GLS: variants seen among roughly 807,000 people sequenced by gnomAD.
GLS encodes the protein glutaminase kidney isoform, mitochondrial.
A neutral mutation model predicts 86.7 loss-of-function variants in GLS; 36 were observed. The observed-to-expected ratio is 0.42, with a 90% CI of 0.32 to 0.55. The LOEUF is 0.55. GLS is among the 20% of genes least tolerant of loss of function. The pLI, the probability that GLS is intolerant of heterozygous loss-of-function variation, is 0.17. For missense variants in GLS, 528 were observed against 833.4 expected, an observed-to-expected ratio of 0.63 and a Z score of 4.51; for synonymous variants, 317 against 305.9, an observed-to-expected ratio of 1.04 and a Z score of -0.38.
chr2:190,962,990 T>A lies in GLS; in HGVS notation c.*4T>A. ...GAATCTTGATGGATTGTTGTAATGG[T>A]CTCAAATCCCAAGATTTAAATCACT... On this transcript the variant is annotated 3_prime_UTR_variant, in exon 18 of 18. Transcript: ENST00000320717. This position sits in a 1 kb window ranked among gnomAD's most constrained non-coding sequence, Gnocchi z 4.2. The A allele has an allele frequency of 6.3e-7, 1 of 1,577,392 alleles. No individual in the cohort carries two copies. Among genetic ancestry groups the A allele is most frequent in the Non-Finnish European group, 8.6e-7 (1 of 1,165,214 alleles).
chr2:190,936,807 T>G (rs1013781287), intron 14 of GLS, among the ~76,000 whole-genome samples: 3 of 151,308 alleles, frequency 2.0e-5, no homozygotes, highest in Non-Finnish European at 4.5e-5. Context: ...ACAGTTTTAT[T>G]TAGTTACTGT....
At chr2:190,887,152 G>C (rs1390983029) in intron 1 of GLS, among the ~76,000 whole-genome samples, 1 of 152,190 alleles carries the variant, frequency 6.6e-6, no homozygotes, top group Non-Finnish European at 1.5e-5. Flanking sequence ...AGAAAGGTGA[G>C]TAAACAGATG....
chr2:190,881,573 A>G (rs1688185336), intron 1 of GLS, 103 bp downstream of exon 1: 9 of 1,128,752 alleles, frequency 8.0e-6, no homozygotes, highest in Non-Finnish European at 1.1e-5. Context: ...GAGGGTCTAG[A>G]AAAGAGAAAG....
chr2:190,912,346 C>CTTTTTTTT (rs34419675), intron 7 of GLS, among the ~76,000 whole-genome samples: 1 of 122,518 alleles, frequency 8.2e-6, no homozygotes, highest in Non-Finnish European at 1.7e-5. Flanking sequence ...TTCACAAGTG[C>CTTTTTTTT]TTTTTTTTTT....
At chr2:190,917,668 A>C (rs563927741) in intron 7 of GLS, among the ~76,000 whole-genome samples, 56 of 152,200 alleles carry the variant, frequency 3.7e-4, no homozygotes, top group Non-Finnish European at 7.3e-4. Context: ...TCCTTGATCC[A>C]TGGGCTGCAG....
Position 190,881,354 on chromosome 2 carries a change from G to T in GLS, c.270G>T (p.Pro90=). Residue 90 remains proline, a synonymous_variant, in exon 1 of 18, where the codon CCG becomes CCT. Transcript: ENST00000320717. The stretch of plus-strand genomic sequence containing the variant: ...AGCTGGGCAAGGGGAGCACGCATCC[G>T]CAGCCCGGGGTGTCGCCACCCGCTG... The part of the protein sequence containing the change: ...LQELGKGSTH[P]QPGVSPPAAP... The T allele has an allele frequency of 6.5e-7, 1 of 1,536,958 alleles. No individual in the cohort carries two copies. Among genetic ancestry groups the T allele is most frequent in the Non-Finnish European group, 8.8e-7 (1 of 1,141,624 alleles).
At chr2:190,916,155 A>G (rs951833969) in intron 7 of GLS, among the ~76,000 whole-genome samples, 2 of 152,204 alleles carry the variant, frequency 1.3e-5, no homozygotes, top group African/African-American at 4.8e-5. Context: ...TACTGTTTCA[A>G]ATGGGAAAGA....
intron 14 of GLS, chr2:190,933,738 TG>T (rs1690182403): frequency 1.2e-6 from 1 of 810,404 alleles, no homozygotes; most frequent in African/African-American, 1.9e-5. Context: ...TGGCAAATTT[TG>T]GTTTTTAGCT....
chr2:190,881,781 C>G (rs943192993), intron 1 of GLS: 1 of 271,196 alleles, frequency 3.7e-6, no homozygotes, highest in Non-Finnish European at 7.0e-6. Context: ...CTCCCCTGCC[C>G]GCGCTGCGTG....
intron 1 of GLS, among the ~76,000 whole-genome samples, chr2:190,890,279 G>GCTCAAGCAGTCCTCTTGC (rs1688517951): frequency 6.6e-6 from 1 of 151,982 alleles, no homozygotes; most frequent in African/African-American, 2.4e-5. Context: ...GAACTCCTGG[G>GCTCAAGCAGTCCTCTTGC]CTCAAGCAGT....
Position 190,880,825 on chromosome 2 carries a change from C to T in GLS, c.-260C>T. 6.8e-6 allele frequency: 5 copies of T among 736,856 alleles called. No homozygotes were observed. Among genetic ancestry groups the T allele is most frequent in the South Asian group, 1.5e-5 (1 of 66,452 alleles). The allele number at this position is 736,856 out of a possible 1,614,324, so 45.6% of individuals were successfully genotyped here. The stretch of plus-strand genomic sequence containing the variant: ...CCTCCCCTGCGCTTTAGCCTCAGTG[C>T]GGAGCCTTAGGCGGAGCGAAGAGAA... On this transcript the variant is annotated 5_prime_UTR_variant, in exon 1 of 18. Coordinates refer to ENST00000320717, the MANE Select transcript of GLS (RefSeq NM_014905.5).
chr2:190,900,548 T>G lies in GLS; in HGVS notation c.606-16T>G. On this transcript the variant is annotated splice_polypyrimidine_tract_variant and intron_variant, in intron 3 of 17. Transcript: ENST00000320717. The stretch of plus-strand genomic sequence containing the variant: ...AAATGTACCCAGTTTATTAATTATC[T>G]TTTTACATTCTACAGATGTGTTCAG... 2 of 1,508,260 alleles carry G rather than the reference T, an allele frequency of 1.3e-6. No homozygotes were observed. The highest frequency in any genetic ancestry group is 1.4e-5 in the African/African-American group (1 of 72,456). 93.4% of individuals were successfully genotyped at this position (1,508,260 alleles called of 1,614,324 possible).
At chr2:190,916,448 C>A (rs1689539257) in intron 7 of GLS, among the ~76,000 whole-genome samples, 1 of 152,014 alleles carries the variant, frequency 6.6e-6, no homozygotes, top group Non-Finnish European at 1.5e-5. Context: ...TAGGCATGTG[C>A]TTTTCCTAAG....
intron 7 of GLS, among the ~76,000 whole-genome samples, chr2:190,916,820 T>C (rs894614260): frequency 5.3e-5 from 8 of 152,140 alleles, no homozygotes; most frequent in Non-Finnish European, 1.0e-4. Context: ...GTGTTTATAC[T>C]ATAGTAAGTG....
rs1688159798 is a variant in GLS at position 190,881,306 on chromosome 2, C to G, written c.222C>G (p.Ser74Arg). 4.7e-6 allele frequency: 7 copies of G among 1,496,300 alleles called. No homozygotes were observed. The highest frequency in any genetic ancestry group is 2.9e-5 in the East Asian group (1 of 34,956). The allele number at this position is 1,496,300 out of a possible 1,614,324, so 92.7% of individuals were successfully genotyped here. A position where few individuals can be genotyped will look rare whatever the true frequency, so the allele number is the denominator to read the frequency against. The change falls in exon 1 of 18, where the codon AGC becomes AGG. Residue 74 changes from serine to arginine, a missense_variant. Ser to Arg is a moderately radical substitution (Grantham distance 110, BLOSUM62 -1). Transcript: ENST00000320717. ...PAEPLARGLS[S>R]SPSEILQELG... is the part of the protein sequence containing the mutation. ...AGCCCCTCGCGCGGGGCCTGTCCAG[C>G]TCTCCTTCGGAGATCTTGCAGGAGC...
At chr2:190,944,864 T>A (rs1690540533) in intron 14 of GLS, among the ~76,000 whole-genome samples, 1 of 152,244 alleles carries the variant, frequency 6.6e-6, no homozygotes, top group Non-Finnish European at 1.5e-5. Context: ...ATTATCAAAT[T>A]GAATTATTTC....
In GLS at chr2:190,935,910, C is replaced by T. The variant is rs981740710; in HGVS notation, c.1650+4273C>T. Reference sequence around the variant, plus strand: ...AATTATAGTACAAATTATAGAGGCTCCATGTATTGTAGGTCAAATATAGTA... The same window carrying T: ...AATTATAGTACAAATTATAGAGGCTTCATGTATTGTAGGTCAAATATAGTA... On this transcript the variant is annotated intron_variant, in intron 14 of 17. Coordinates refer to ENST00000320717, the MANE Select transcript of GLS (RefSeq NM_014905.5). This position sits in a 1 kb window ranked among gnomAD's most constrained non-coding sequence, Gnocchi z 4.2. 1.3e-5 allele frequency among the ~76,000 whole-genome samples: 2 copies of T among 150,970 alleles called. No homozygotes were observed. Among genetic ancestry groups the T allele is most frequent in the Non-Finnish European group, 3.0e-5 (2 of 67,162 alleles).
At chr2:190,933,724 T>C in intron 14 of GLS, 1 of 857,370 alleles carries the variant, frequency 1.2e-6, no homozygotes, top group South Asian at 5.3e-5. Flanking sequence ...TATTTAAATA[T>C]GAATGGCAAA....
chr2:190,913,333 C>T lies in GLS; in HGVS notation c.1038+3012C>T, dbSNP rs1689421614. 8.4e-7 allele frequency: 1 copy of T among 1,195,116 alleles called. No individual in the cohort carries two copies. The allele number at this position is 1,195,116 out of a possible 1,614,324, so 74.0% of individuals were successfully genotyped here. A position where few individuals can be genotyped will look rare whatever the true frequency, so the allele number is the denominator to read the frequency against. Reference sequence around the variant, plus strand: ...AACTACTAAGCTTATAGGAAAACTCCAATATTTAAAATTTTAAACAAAGCT... The same window carrying T: ...AACTACTAAGCTTATAGGAAAACTCTAATATTTAAAATTTTAAACAAAGCT... On this transcript the variant is annotated intron_variant, in intron 7 of 17. Transcript: ENST00000320717. This position sits in a 1 kb window ranked among gnomAD's most constrained non-coding sequence, Gnocchi z 6.1.
Sources: gnomAD v4.1 joint callset for allele counts (sites outside exome capture counted in the v4.1 genomes callset) on GRCh38, gnomAD v4.1.1 for gene constraint, Gnocchi (gnomAD v3.1) non-coding constraint, MANE v1.5 for transcripts, NCBI Gene and HGNC (gene_info 2026-07-23, HGNC 2026-07-21) for gene names.